Variants in SIK3 observed in about 807,000 individuals in gnomAD.
The protein encoded by SIK3 is serine/threonine-protein kinase SIK3.
In SIK3, 28 loss-of-function variants were observed where a neutral mutation model predicts 144.2. That is an observed-to-expected ratio of 0.19 (90% CI 0.14 to 0.27). The LOEUF is 0.27. Ranked by LOEUF, SIK3 falls within the 10% of genes least tolerant of loss-of-function variation. SIK3 has a pLI of 1.00. For missense variants in SIK3, 1,319 were observed against 1,776.0 expected, an observed-to-expected ratio of 0.74 and a Z score of 4.62; for synonymous variants, 686 against 676.3, an observed-to-expected ratio of 1.01 and a Z score of -0.22.
chr11:116,897,416 G>T, intron 4 of SIK3, 99 bp from the exon 5 acceptor site: 1 of 1,083,730 alleles, frequency 9.2e-7, no homozygotes, highest in Non-Finnish European at 1.3e-6. Context: ...ATCATTGTCT[G>T]AATATTAAAT....
At chr11:117,007,957 TC>T (rs1444832287) in intron 1 of SIK3, among the ~76,000 whole-genome samples, 2 of 151,220 alleles carry the variant, frequency 1.3e-5, no homozygotes, top group Non-Finnish European at 2.9e-5. Context: ...AGTGATGTAA[TC>T]CCAGCTACTC....
chr11:117,019,630 T>C (rs1303271739), intron 1 of SIK3, among the ~76,000 whole-genome samples: 1 of 152,148 alleles, frequency 6.6e-6, no homozygotes, highest in East Asian at 1.9e-4. Flanking sequence ...TCTTTTTTTT[T>C]TTTGAGACAG....
At chr11:117,009,310 C>T (rs1157723936) in intron 1 of SIK3, among the ~76,000 whole-genome samples, 2 of 151,284 alleles carry the variant, frequency 1.3e-5, no homozygotes, top group South Asian at 2.1e-4. Flanking sequence ...CTTTGGGAGG[C>T]CAAGGAGGGA....
chr11:117,054,331 C>T (rs1953408848), intron 1 of SIK3, among the ~76,000 whole-genome samples: 1 of 152,156 alleles, frequency 6.6e-6, no homozygotes. Context: ...GTACAGGGTG[C>T]AGTCACAGAA....
chr11:117,067,017 T>C (rs990561250), intron 1 of SIK3, among the ~76,000 whole-genome samples: 7 of 152,206 alleles, frequency 4.6e-5, no homozygotes, highest in African/African-American at 1.7e-4. Context: ...GATATATCAT[T>C]TTAGCAATGG....
At chr11:116,926,252 G>T (rs1041119538) in intron 4 of SIK3, among the ~76,000 whole-genome samples, 1 of 152,010 alleles carries the variant, frequency 6.6e-6, no homozygotes, top group Non-Finnish European at 1.5e-5. Flanking sequence ...GGAAAGTGTC[G>T]GCAAACATAA....
intron 1 of SIK3, among the ~76,000 whole-genome samples, chr11:117,076,038 G>A (rs1489045778): frequency 4.0e-5 from 6 of 151,416 alleles, no homozygotes; most frequent in East Asian, 1.9e-4. Context: ...TAGTAGAGAC[G>A]GGGTTTCACC....
chr11:116,970,712 G>A (rs1219781309), intron 1 of SIK3, among the ~76,000 whole-genome samples: 1 of 152,078 alleles, frequency 6.6e-6, no homozygotes, highest in East Asian at 1.9e-4. Context: ...GTGCAATGAT[G>A]TGATAATAGC....
At chr11:116,875,484 C>G (rs776399302) in intron 9 of SIK3, 33 bp from the exon 10 acceptor site, 268 of 1,592,692 alleles carry the variant, frequency 1.7e-4, no homozygotes, top group Non-Finnish European at 2.2e-4. Flanking sequence ...ACACGCATAC[C>G]TTTAACACTA....
intron 3 of SIK3, among the ~76,000 whole-genome samples, chr11:116,946,748 C>A (rs191410799): frequency 6.6e-6 from 1 of 152,150 alleles, no homozygotes; most frequent in Non-Finnish European, 1.5e-5. Flanking sequence ...TCCTTCAGAG[C>A]AATGCTTCTC....
chr11:117,033,960 C>A (rs559135580), intron 1 of SIK3, among the ~76,000 whole-genome samples: 20 of 151,966 alleles, frequency 1.3e-4, no homozygotes, highest in Admixed American at 2.6e-4. Flanking sequence ...CACTGGAGGT[C>A]ACCTTTTATG....
chr11:116,861,535 G>A, intron 18 of SIK3, 152 bp from the exon 19 acceptor site: 1 of 647,222 alleles, frequency 1.5e-6, no homozygotes, highest in South Asian at 2.0e-5. Context: ...ATCCACCACA[G>A]TGTATTTAAA....
intron 6 of SIK3, among the ~76,000 whole-genome samples, chr11:116,880,609 T>A (rs1405426260): frequency 2.6e-5 from 4 of 152,142 alleles, no homozygotes; most frequent in Non-Finnish European, 5.9e-5. Context: ...ATTTCCTAAG[T>A]GTCATGTAGT....
chr11:116,849,393 A>G lies in SIK3; in HGVS notation c.3656-110T>C, dbSNP rs918004888. 28 of 1,283,458 alleles carry G rather than the reference A, an allele frequency of 2.2e-5. No homozygotes were observed. The highest frequency in any genetic ancestry group is 9.8e-5 in the East Asian group (4 of 40,994). 79.5% of individuals were successfully genotyped at this position (1,283,458 alleles called of 1,614,324 possible). ...GACAATGGGCAAGGCTGAGGAGATC[A>G]TGTACACCAACCGCTGATCCTCAGC... is the stretch of plus-strand genomic sequence containing the variant. On this transcript the variant is annotated intron_variant, in intron 21 of 24. Transcript: ENST00000445177. The surrounding 1 kb of genome is among the most constrained non-coding windows in gnomAD (Gnocchi z 4.2).
intron 14 of SIK3, 74 bp downstream of exon 14, chr11:116,870,257 C>T: frequency 2.5e-6 from 4 of 1,597,860 alleles, no homozygotes; most frequent in Non-Finnish European, 3.4e-6. Flanking sequence ...CCTCCTTGGG[C>T]AGAGGTGACC....
chr11:117,089,454 G>A (rs2134068748), intron 1 of SIK3, among the ~76,000 whole-genome samples: 1 of 152,034 alleles, frequency 6.6e-6, no homozygotes, highest in Non-Finnish European at 1.5e-5. Context: ...AGGTATTGGG[G>A]TGGCAAGAAG....
intron 4 of SIK3, among the ~76,000 whole-genome samples, chr11:116,900,716 T>C (rs926981002): frequency 6.6e-6 from 1 of 152,152 alleles, no homozygotes; most frequent in African/African-American, 2.4e-5. Flanking sequence ...CAAGGCCCAG[T>C]CAAATATTAC....
intron 4 of SIK3, among the ~76,000 whole-genome samples, chr11:116,898,245 ATAG>A (rs1176543059): frequency 1.3e-5 from 2 of 151,598 alleles, no homozygotes; most frequent in African/African-American, 4.9e-5. Flanking sequence ...TGTTCTTGCG[ATAG>A]TTTACTGAGA....
intron 1 of SIK3, among the ~76,000 whole-genome samples, chr11:116,996,937 T>G (rs182534298): frequency 4.0e-5 from 6 of 151,856 alleles, no homozygotes; most frequent in Admixed American, 3.9e-4. Flanking sequence ...TGAAAAGTAT[T>G]CAAGCTCAAA....
Sources: gnomAD v4.1 joint callset for allele counts (sites outside exome capture counted in the v4.1 genomes callset) on GRCh38, gnomAD v4.1.1 for gene constraint, Gnocchi (gnomAD v3.1) non-coding constraint, MANE v1.5 for transcripts, NCBI Gene and HGNC (gene_info 2026-07-23, HGNC 2026-07-21) for gene names.